RXYLT1: variants seen among roughly 807,000 people sequenced by gnomAD.
RXYLT1 encodes the protein ribitol xylosyltransferase 1.
Under a neutral mutation model 43.5 loss-of-function variants are expected in RXYLT1, and 41 were observed. The ratio of observed to expected loss-of-function variants is 0.94; its 90% CI spans 0.73 to 1.22. RXYLT1 has a LOEUF of 1.22. Among genes scored for constraint, RXYLT1 ranks in the 50% most tolerant of loss-of-function variants. The probability of loss-of-function intolerance (pLI) is 0.00; values close to 1 mark genes in which losing one functional copy is unlikely to be tolerated. For missense variants in RXYLT1, 514 were observed against 532.0 expected, an observed-to-expected ratio of 0.97 and a Z score of 0.33; for synonymous variants, 166 against 194.4, an observed-to-expected ratio of 0.85 and a Z score of 1.21.
At chr12:63,793,119 C>G (rs559349707) in intron 3 of RXYLT1, among the ~76,000 whole-genome samples, 3 of 152,148 alleles carry the variant, frequency 2.0e-5, no homozygotes, top group Non-Finnish European at 4.4e-5. Context: ...CTTATCTATG[C>G]TTTGGGTCTA....
chr12:63,794,675 G>A lies in RXYLT1; in HGVS notation c.429-7416G>A, dbSNP rs550462710. Among the ~76,000 whole-genome samples the A allele has an allele frequency of 7.2e-5, 11 of 152,206 alleles. 1 individual carries two copies. Among genetic ancestry groups the A allele is most frequent in the African/African-American group, 1.7e-4 (7 of 41,518 alleles). Reference sequence around the variant, plus strand: ...CTTATTCCTAAAGGGCCTTTTGACCGGGCATGGTGGCTCACTCCCATAATC... The same window carrying A: ...CTTATTCCTAAAGGGCCTTTTGACCAGGCATGGTGGCTCACTCCCATAATC... On this transcript the variant is annotated intron_variant, in intron 3 of 5. Transcript: ENST00000261234.
intron 2 of RXYLT1, among the ~76,000 whole-genome samples, chr12:63,784,763 A>T (rs1227450016): frequency 6.6e-6 from 1 of 152,182 alleles, no homozygotes; most frequent in Non-Finnish European, 1.5e-5. Context: ...TTTACACACT[A>T]ACAGCTTCTG....
chr12:63,798,075 T>C (rs1182011884), intron 3 of RXYLT1, among the ~76,000 whole-genome samples: 3 of 152,042 alleles, frequency 2.0e-5, no homozygotes, highest in Non-Finnish European at 4.4e-5. Context: ...ACCTATCTCC[T>C]CTTTCTCAGC....
chr12:63,805,487 G>T, intron 5 of RXYLT1, 83 bp downstream of exon 5: 4 of 1,356,840 alleles, frequency 2.9e-6, no homozygotes, highest in Middle Eastern at 2.5e-4. Flanking sequence ...TTTCCAAAGA[G>T]GCATTGTTAA....
At chr12:63,780,533 A>C in intron 1 of RXYLT1, 1 of 1,027,884 alleles carries the variant, frequency 9.7e-7, no homozygotes. Flanking sequence ...GGCAGACTTT[A>C]CCTCCAAATT....
At chr12:63,792,160 G>A (rs549431691) in intron 3 of RXYLT1, among the ~76,000 whole-genome samples, 1 of 152,302 alleles carries the variant, frequency 6.6e-6, no homozygotes, top group Non-Finnish European at 1.5e-5. Context: ...TGGTGATTCT[G>A]TATTGGTCCC....
At chr12:63,780,188 G>T (rs1020419770) in intron 1 of RXYLT1, 59 bp downstream of exon 1, 36 of 1,399,388 alleles carry the variant, frequency 2.6e-5, no homozygotes, top group Non-Finnish European at 3.2e-5. Flanking sequence ...GCTGCTGGGC[G>T]GCTGGGGCCG....
At chr12:63,799,456 A>T (rs1465393734) in intron 3 of RXYLT1, among the ~76,000 whole-genome samples, 1 of 151,076 alleles carries the variant, frequency 6.6e-6, no homozygotes, top group Non-Finnish European at 1.5e-5. Flanking sequence ...ATGCCCAGCT[A>T]ATTTTTGTAT....
At chr12:63,780,974 C>T (rs367712143) in intron 1 of RXYLT1, 45 bp from the exon 2 acceptor site, 2 of 1,408,702 alleles carry the variant, frequency 1.4e-6, no homozygotes, top group East Asian at 5.2e-5. Context: ...TTACCTACAA[C>T]TGCAATAATA....
At chr12:63,788,214 G>C (rs1897848641) in intron 3 of RXYLT1, among the ~76,000 whole-genome samples, 1 of 152,200 alleles carries the variant, frequency 6.6e-6, no homozygotes. Context: ...CACAGGCAGA[G>C]TAGATTTAGG....
At chr12:63,793,751 A>G (rs895353930) in intron 3 of RXYLT1, among the ~76,000 whole-genome samples, 2 of 152,234 alleles carry the variant, frequency 1.3e-5, no homozygotes, top group Non-Finnish European at 2.9e-5. Context: ...CTTTGAAAAG[A>G]TAAATTTGAT....
In RXYLT1 at chr12:63,802,172, AAAAGC is replaced by A. The variant is rs1166587679; in HGVS notation, c.515_519del (p.Ala172AspfsTer31). ...TGGTACTCATTTTAAATGGAAGAGA[AAAAGC>A]AAAGATCTTTTATGCCACCCAGTGG... On this transcript the variant is annotated frameshift_variant, in exon 4 of 6. Transcript: ENST00000261234. LOFTEE classifies it high-confidence loss of function. 1.9e-6 allele frequency: 3 copies of A among 1,614,008 alleles called. No homozygotes were observed. In the African/African-American group the frequency reaches 4.0e-5, roughly 22 times the overall value.
intron 3 of RXYLT1, among the ~76,000 whole-genome samples, chr12:63,798,855 G>A (rs1388997771): frequency 1.3e-5 from 2 of 152,174 alleles, no homozygotes; most frequent in Non-Finnish European, 2.9e-5. Flanking sequence ...TTTGTGATTA[G>A]TTAAGAATGA....
chr12:63,799,589 C>T (rs566857508), intron 3 of RXYLT1, among the ~76,000 whole-genome samples: 54 of 152,202 alleles, frequency 3.5e-4, no homozygotes, highest in African/African-American at 1.3e-3. Flanking sequence ...CCACACCCAG[C>T]TGTATGGCAC....
chr12:63,785,135 A>T, intron 3 of RXYLT1, 63 bp downstream of exon 3: 1 of 1,131,126 alleles, frequency 8.8e-7, no homozygotes, highest in Non-Finnish European at 1.2e-6. Flanking sequence ...TATTTTCTGT[A>T]AATACTAAAA....
chr12:63,788,886 C>T (rs1281668842), intron 3 of RXYLT1, among the ~76,000 whole-genome samples: 3 of 152,210 alleles, frequency 2.0e-5, no homozygotes, highest in Non-Finnish European at 2.9e-5. Flanking sequence ...ACATGCCTTC[C>T]TCACTAAGCT....
Position 63,808,986 on chromosome 12 carries a change from A to G in RXYLT1, c.1226A>G (p.Glu409Gly), listed in dbSNP as rs141536395. 1,685 of 1,612,494 alleles carry G rather than the reference A, an allele frequency of 1.0e-3. 18 individuals carry two copies. In the African/African-American group the frequency reaches 0.02, roughly 19 times the overall value. Reference sequence around the variant, plus strand: ...ACTATAATTTTACAAGAAAAAATTGAAAGAAGAAAAATGTTACTTCAGTGG... The same window carrying G: ...ACTATAATTTTACAAGAAAAAATTGGAAGAAGAAAAATGTTACTTCAGTGG... ...EKTIILQEKI[E>G]RRKMLLQWYQ... The change falls in exon 6 of 6, where the codon GAA becomes GGA. Residue 409 changes from glutamate to glycine, a missense_variant. Coordinates refer to ENST00000261234, the MANE Select transcript of RXYLT1 (RefSeq NM_014254.3).
chr12:63,803,181 CAAAA>C (rs763579072), intron 4 of RXYLT1, among the ~76,000 whole-genome samples: 490 of 22,306 alleles, frequency 0.022, no homozygotes, highest in African/African-American at 0.033. Flanking sequence ...ACTGTCTCAC[CAAAA>C]AAAAAAAAAA....
chr12:63,801,157 A>C (rs1394822590), intron 3 of RXYLT1, among the ~76,000 whole-genome samples: 1 of 152,178 alleles, frequency 6.6e-6, no homozygotes, highest in Non-Finnish European at 1.5e-5. Context: ...TCAAATTTTT[A>C]TATTTATACT....
Sources: gnomAD v4.1 joint callset for allele counts (sites outside exome capture counted in the v4.1 genomes callset) on GRCh38, gnomAD v4.1.1 for gene constraint, MANE v1.5 for transcripts, NCBI Gene and HGNC (gene_info 2026-07-23, HGNC 2026-07-21) for gene names.